Variants in ILKAP observed in about 807,000 individuals in gnomAD.
ILKAP encodes ILK associated serine/threonine phosphatase, also known as integrin-linked kinase-associated serine/threonine phosphatase 2C.
ILKAP carries 11 observed loss-of-function variants against 49.1 expected under a neutral mutation model. The ratio of observed to expected loss-of-function variants is 0.22; its 90% CI spans 0.14 to 0.37. The LOEUF is 0.37. ILKAP is among the 10% of genes least tolerant of loss of function. The probability of loss-of-function intolerance (pLI) is 1.00; values close to 1 mark genes in which losing one functional copy is unlikely to be tolerated. For synonymous variants in ILKAP, 186 were observed against 192.8 expected (o/e 0.96, Z 0.29); for missense variants, 363 against 510.8 (o/e 0.71, Z 2.79).
chr2:238,203,359 C>A (rs1354312501), intron 1 of ILKAP, 140 bp downstream of exon 1: 3 of 222,586 alleles, frequency 1.3e-5, no homozygotes, highest in Non-Finnish European at 2.4e-5. Context: ...GGGGCCTGGC[C>A]AGGCAGGAGC....
chr2:238,182,812 T>A (rs1479707403), intron 8 of ILKAP, among the ~76,000 whole-genome samples: 1 of 152,250 alleles, frequency 6.6e-6, no homozygotes, highest in Non-Finnish European at 1.5e-5. Flanking sequence ...TCTAAACACA[T>A]GTGGGCTAAG....
At chr2:238,182,484 A>G (rs1574789311) in intron 8 of ILKAP, among the ~76,000 whole-genome samples, 1 of 152,310 alleles carries the variant, frequency 6.6e-6, no homozygotes, top group East Asian at 1.9e-4. Flanking sequence ...ACATGAAAGG[A>G]AGCACTCAAC....
At chr2:238,170,757 G>A (rs1023348383) in intron 11 of ILKAP, 81 bp from the exon 12 acceptor site, 4 of 1,595,064 alleles carry the variant, frequency 2.5e-6, no homozygotes, top group East Asian at 4.5e-5. Flanking sequence ...CCAGGAAGAA[G>A]AGCTGCTCTG....
At chr2:238,179,718 T>A (rs1001705018) in intron 9 of ILKAP, among the ~76,000 whole-genome samples, 5 of 152,082 alleles carry the variant, frequency 3.3e-5, no homozygotes, top group Non-Finnish European at 7.4e-5. Context: ...GTATACAGCA[T>A]CCCCCATAAA....
intron 5 of ILKAP, 151 bp downstream of exon 5, chr2:238,187,980 G>A: frequency 1.1e-6 from 1 of 900,542 alleles, no homozygotes; most frequent in Non-Finnish European, 1.7e-6. Context: ...CCCCTGGGCG[G>A]GGAGCAAAAT....
At chr2:238,186,718 A>AG (rs1693921909) in intron 5 of ILKAP, 1 of 152,162 alleles carries the variant, frequency 6.6e-6, no homozygotes, top group Admixed American at 6.5e-5. Context: ...GAAAAAAAAA[A>AG]AACAAAAATG....
chr2:238,196,857 G>A (rs1694364801), intron 1 of ILKAP, among the ~76,000 whole-genome samples: 1 of 152,186 alleles, frequency 6.6e-6, no homozygotes, highest in African/African-American at 2.4e-5. Context: ...TCTTACAAGT[G>A]ACATAAAGAC....
chr2:238,182,173 C>T lies in ILKAP; in HGVS notation c.728G>A (p.Arg243His), dbSNP rs1693721782. ...ATGTTTTTGACTCTCCTCATTATAA[C>T]GACACAAGATTGCCTGGGAAGATGG... ...NLGDSRAILCRYNEESQKHAA... is the reference protein window; with the variant it reads ...NLGDSRAILCHYNEESQKHAA... The change falls in exon 9 of 12, where the codon CGT (arginine) becomes CAT (histidine). Residue 243 changes from arginine (R) to histidine (H), a missense_variant. Transcript: ENST00000254654. 3 of 1,613,520 alleles carry T rather than the reference C, an allele frequency of 1.9e-6. No homozygotes were observed. The highest frequency in any genetic ancestry group is 2.5e-6 in the Non-Finnish European group (3 of 1,179,628).
At chr2:238,193,349 T>A (rs1480623137) in intron 3 of ILKAP, among the ~76,000 whole-genome samples, 1 of 152,138 alleles carries the variant, frequency 6.6e-6, no homozygotes, top group Non-Finnish European at 1.5e-5. Context: ...GCCTCCTGAG[T>A]AGCTGGGACG....
chr2:238,195,069 A>G (rs913848117), intron 1 of ILKAP, among the ~76,000 whole-genome samples, 199 bp from the exon 2 acceptor site: 1 of 152,238 alleles, frequency 6.6e-6, no homozygotes, highest in African/African-American at 2.4e-5. Context: ...CAACAGTTAC[A>G]GTCAACATAA....
Position 238,170,651 on chromosome 2 carries a change from C to T in ILKAP, c.1064G>A (p.Gly355Glu). Residue 355 changes from glycine to glutamate, a missense_variant, in exon 12 of 12, where the codon GGG becomes GAG. Around this residue, in one of 3 missense-constraint regions of ILKAP, gnomAD observed 83 missense variants for 87.5 expected, o/e 0.95. Coordinates refer to ENST00000254654, the MANE Select transcript of ILKAP (RefSeq NM_030768.3). ...GTAGCGGGCGTCGGCTGCGGACTTC[C>T]CTTCCCGGGTCTGGATCTTTTCATC... ...LEDEKIQTRE[G>E]KSAADARYEA... 1 of 1,598,842 alleles carries T rather than the reference C, an allele frequency of 6.3e-7. No individual in the cohort carries two copies. Among genetic ancestry groups the T allele is most frequent in the Non-Finnish European group, 8.6e-7 (1 of 1,167,946 alleles).
At chr2:238,187,555 T>C (rs1471455155) in intron 5 of ILKAP, among the ~76,000 whole-genome samples, 1 of 152,254 alleles carries the variant, frequency 6.6e-6, no homozygotes, top group African/African-American at 2.4e-5. Flanking sequence ...TTAGTTTGTA[T>C]AGTTGCAGCT....
chr2:238,197,353 T>A (rs62194904), intron 1 of ILKAP, among the ~76,000 whole-genome samples: 42,172 of 152,122 alleles, frequency 0.28, 6,257 homozygotes, highest in South Asian at 0.37. Flanking sequence ...ACATGAGATG[T>A]TCCAGACAAT....
At chr2:238,195,871 T>A (rs1406138130) in intron 1 of ILKAP, among the ~76,000 whole-genome samples, 1 of 151,382 alleles carries the variant, frequency 6.6e-6, no homozygotes, top group South Asian at 2.1e-4. Flanking sequence ...GGCAAAAAAA[T>A]GTCTATGAAA....
In ILKAP at chr2:238,189,982, A is replaced by C; in HGVS notation, c.179-10T>G. ...GATGTGGCAAGAGAACCTGGAAATA[A>C]AGTAAAAGCCAGACAGAAACACAGC... On this transcript the variant is annotated splice_polypyrimidine_tract_variant and intron_variant, in intron 3 of 11. Coordinates refer to ENST00000254654, the MANE Select transcript of ILKAP (RefSeq NM_030768.3). 6.2e-7 allele frequency: 1 copy of C among 1,613,526 alleles called. No individual in the cohort carries two copies. Among genetic ancestry groups the C allele is most frequent in the Non-Finnish European group, 8.5e-7 (1 of 1,179,738 alleles).
intron 1 of ILKAP, among the ~76,000 whole-genome samples, chr2:238,198,428 G>A (rs1372364388): frequency 3.3e-5 from 4 of 121,296 alleles, no homozygotes; most frequent in South Asian, 2.2e-4. Flanking sequence ...TTGTAGAGAC[G>A]GGGTCTCACT....
At chr2:238,182,979 A>C (rs1693757907) in intron 8 of ILKAP, among the ~76,000 whole-genome samples, 1 of 152,194 alleles carries the variant, frequency 6.6e-6, no homozygotes, top group Non-Finnish European at 1.5e-5. Context: ...AAGTGTGGAC[A>C]GTCACTTGAT....
intron 3 of ILKAP, among the ~76,000 whole-genome samples, chr2:238,192,387 T>C (rs1484823329): frequency 6.6e-6 from 1 of 151,978 alleles, no homozygotes; most frequent in African/African-American, 2.4e-5. Flanking sequence ...CTTTTGTAAA[T>C]GGTTCCTGCC....
chr2:238,185,491 T>C, intron 5 of ILKAP: 1 of 484,166 alleles, frequency 2.1e-6, no homozygotes, highest in Non-Finnish European at 3.7e-6. Context: ...CAGCATTTTA[T>C]CTTTTTTTAA....
Sources: allele counts gnomAD v4.1 joint callset (sites outside exome capture counted in the v4.1 genomes callset), GRCh38; gene constraint gnomAD v4.1.1; regional missense constraint gnomAD v4.1.1; transcripts MANE v1.5; gene names NCBI Gene and HGNC (gene_info 2026-07-23, HGNC 2026-07-21).